The following TGFBR1 variants were observed in gnomAD, a reference collection of about 807,000 sequenced individuals.
TGFBR1 encodes transforming growth factor beta receptor 1.
A neutral mutation model predicts 55.1 loss-of-function variants in TGFBR1; 20 were observed. That is an observed-to-expected ratio of 0.36 (90% CI 0.26 to 0.53). TGFBR1 has a LOEUF of 0.53. Among genes scored for constraint, TGFBR1 ranks in the 20% least tolerant of loss-of-function variants. The pLI is 0.91. For synonymous variants in TGFBR1, 220 were observed against 214.8 expected, an observed-to-expected ratio of 1.02 and a Z score of -0.21; for missense variants, 385 against 617.6, an observed-to-expected ratio of 0.62 and a Z score of 3.99.
intron 4 of TGFBR1, among the ~76,000 whole-genome samples, chr9:99,138,686 A>C (rs958107142): frequency 6.6e-6 from 1 of 152,226 alleles, no homozygotes; most frequent in African/African-American, 2.4e-5. Flanking sequence ...ATGCTGAAGA[A>C]GGAAGGAAGC....
At position 99,138,036 on chromosome 9, in the gene TGFBR1, C is replaced by T. The variant is rs1197470484; in HGVS notation, c.752C>T (p.Thr251Ile). 1 of 1,614,040 alleles carries T rather than the reference C, an allele frequency of 6.2e-7. No individual in the cohort carries two copies. The highest frequency in any genetic ancestry group is 2.2e-5 in the East Asian group (1 of 44,860). ...TTCCGTGAGGCAGAGATTTATCAAA[C>T]TGTAATGTTACGTCATGAAAACATC... The part of the protein sequence containing the change: ...SWFREAEIYQ[T>I]VMLRHENILG... The change falls in exon 4 of 9, where the codon ACT (threonine) becomes ATT (isoleucine). Residue 251 changes from threonine (T) to isoleucine (I), a missense_variant. Physicochemically the swap from Thr to Ile is moderately conservative, Grantham distance 89. This residue lies in a region of TGFBR1 where 85 missense variants were observed against 228.4 expected (regional missense o/e 0.37). Transcript: ENST00000374994.
upstream of TGFBR1, chr9:99,105,042 C>T: frequency 2.1e-6 from 1 of 466,496 alleles, no homozygotes; most frequent in Non-Finnish European, 2.9e-6. Flanking sequence ...GAGGCGGGGC[C>T]GGCGGGAGCC....
At chr9:99,139,511 T>C (rs560652761) in intron 4 of TGFBR1, among the ~76,000 whole-genome samples, 1 of 152,346 alleles carries the variant, frequency 6.6e-6, no homozygotes, top group South Asian at 2.1e-4. Flanking sequence ...GTCAGGTCAC[T>C]GCCAATCATA....
At chr9:99,120,007 A>G (rs1465723899) in intron 1 of TGFBR1, among the ~76,000 whole-genome samples, 1 of 152,224 alleles carries the variant, frequency 6.6e-6, no homozygotes, top group East Asian at 1.9e-4. Flanking sequence ...AAAAGTGCAT[A>G]AACTAATTTT....
At position 99,152,389 on chromosome 9, in the gene TGFBR1, C is replaced by A. The variant is rs202000313; in HGVS notation, c.*3084C>A. 2.2e-5 allele frequency: 5 copies of A among 225,538 alleles called. No homozygotes were observed. Among genetic ancestry groups the A allele is most frequent in the Admixed American group, 5.7e-5 (1 of 17,476 alleles). 14.0% of individuals were successfully genotyped at this position (225,538 alleles called of 1,614,324 possible). A position where few individuals can be genotyped will look rare whatever the true frequency, so the allele number is the denominator to read the frequency against. Reference sequence around the variant, plus strand: ...ATAAGACAGGGTAAGGTCTGAAGAGCTGAGCCTGTAATTCTGCTGTAATAA... The same window carrying A: ...ATAAGACAGGGTAAGGTCTGAAGAGATGAGCCTGTAATTCTGCTGTAATAA... On this transcript the variant is annotated 3_prime_UTR_variant, in exon 9 of 9. Transcript: ENST00000374994.
chr9:99,110,867 G>A lies in TGFBR1; in HGVS notation c.97+5565G>A, dbSNP rs368556317. 2.6e-5 allele frequency among the ~76,000 whole-genome samples: 4 copies of A among 152,306 alleles called. No individual in the cohort carries two copies. In the South Asian group the frequency reaches 6.2e-4, roughly 24 times the overall value. On this transcript the variant is annotated intron_variant, in intron 1 of 8. Transcript: ENST00000374994. The stretch of plus-strand genomic sequence containing the variant: ...GTGGAGCCTTCAGTTAAGCACTCCA[G>A]GGTATGTACTCTTTTCCTATACAAA...
chr9:99,119,558 G>A (rs1225226741), intron 1 of TGFBR1, among the ~76,000 whole-genome samples: 2 of 152,122 alleles, frequency 1.3e-5, no homozygotes, highest in Non-Finnish European at 2.9e-5. Context: ...TAACTGTTAG[G>A]ACATTTCTGT....
At chr9:99,142,816 T>A (rs538236588) in intron 5 of TGFBR1, 113 bp downstream of exon 5, 1 of 1,265,130 alleles carries the variant, frequency 7.9e-7, no homozygotes, top group East Asian at 2.4e-5. Flanking sequence ...CCCAGCACTT[T>A]GGGAGGCTGA....
chr9:99,141,606 G>A (rs1348262947), intron 4 of TGFBR1, among the ~76,000 whole-genome samples: 3 of 152,268 alleles, frequency 2.0e-5, no homozygotes, highest in East Asian at 1.9e-4. Flanking sequence ...CAGGCAGGCC[G>A]TGGATTCCAA....
upstream of TGFBR1, chr9:99,104,952 C>A: frequency 5.5e-6 from 1 of 182,668 alleles, no homozygotes; most frequent in Non-Finnish European, 1.1e-5. Context: ...AACCGGCGCT[C>A]GCGGCTGCGG....
At chr9:99,138,140 G>C in intron 4 of TGFBR1, 51 bp downstream of exon 4, 1 of 1,506,514 alleles carries the variant, frequency 6.6e-7, no homozygotes, top group Non-Finnish European at 9.2e-7. Context: ...ATCTCTTTAA[G>C]TCTTTACAGA....
intron 2 of TGFBR1, among the ~76,000 whole-genome samples, chr9:99,132,123 C>A (rs1413907800): frequency 6.6e-5 from 10 of 151,024 alleles, no homozygotes; most frequent in Admixed American, 6.6e-4. Flanking sequence ...GGCCTTGGAA[C>A]AAGAAGACAA....
chr9:99,108,947 C>A (rs1016356560), intron 1 of TGFBR1, among the ~76,000 whole-genome samples: 3 of 152,114 alleles, frequency 2.0e-5, no homozygotes, highest in Non-Finnish European at 4.4e-5. Flanking sequence ...GATGAAAAAA[C>A]GACTCAGGTG....
At position 99,149,839 on chromosome 9, in the gene TGFBR1, C is replaced by T. The variant is rs1827929243; in HGVS notation, c.*534C>T. The T allele has an allele frequency of 4.5e-6, 1 of 222,454 alleles. No individual in the cohort carries two copies. Among genetic ancestry groups the T allele is most frequent in the Non-Finnish European group, 9.0e-6 (1 of 110,620 alleles). 13.8% of individuals were successfully genotyped at this position (222,454 alleles called of 1,614,324 possible). The stretch of plus-strand genomic sequence containing the variant: ...CTTATCTTGAGTCTAAAAATGACCT[C>T]ATATAGTAGTGAGGAACATAATTCA... On this transcript the variant is annotated 3_prime_UTR_variant, in exon 9 of 9. Transcript: ENST00000374994.
rs1827523294 is a variant in TGFBR1, at chr9:99,138,888, C to G, written c.805+799C>G. On this transcript the variant is annotated intron_variant, in intron 4 of 8. Transcript: ENST00000374994. ...TCTCGGCTCACTGCAGCTTCTGCCT[C>G]CTGGGTTCAAGTGGTTCTCCTGCCT... 3.3e-5 allele frequency among the ~76,000 whole-genome samples: 5 copies of G among 151,998 alleles called. No individual in the cohort carries two copies. The South Asian group carries it at 1.0e-3, about 32-fold the overall frequency.
At position 99,105,118 on chromosome 9, in the gene TGFBR1, C is replaced by T; in HGVS notation, c.-88C>T. On this transcript the variant is annotated 5_prime_UTR_variant, in exon 1 of 9. Transcript: ENST00000374994. ...GGCCGGAGCGAGGCCGCCGCGGCGGCTAGGGAGGTGGGGCGAGGCGAGGTT... is the reference window on the plus strand; with the variant it reads ...GGCCGGAGCGAGGCCGCCGCGGCGGTTAGGGAGGTGGGGCGAGGCGAGGTT... 3.0e-6 allele frequency: 3 copies of T among 999,486 alleles called. No individual in the cohort carries two copies. The highest frequency in any genetic ancestry group is 3.6e-6 in the Non-Finnish European group (3 of 824,264). 61.9% of individuals were successfully genotyped at this position (999,486 alleles called of 1,614,324 possible).
intron 5 of TGFBR1, 44 bp downstream of exon 5, chr9:99,142,747 T>C (rs1468049292): frequency 6.2e-7 from 1 of 1,605,152 alleles, no homozygotes; most frequent in South Asian, 1.1e-5. Flanking sequence ...TAAATTTTCA[T>C]GAATAATGTC....
At chr9:99,134,811 T>TC (rs1483535494) in intron 3 of TGFBR1, among the ~76,000 whole-genome samples, 9 of 24,138 alleles carry the variant, frequency 3.7e-4, no homozygotes, top group African/African-American at 1.5e-3. Flanking sequence ...ATTATATATA[T>TC]ATATATATAT....
At chr9:99,142,032 C>G (rs1373166121) in intron 4 of TGFBR1, among the ~76,000 whole-genome samples, 2 of 152,212 alleles carry the variant, frequency 1.3e-5, no homozygotes, top group African/African-American at 4.8e-5. Flanking sequence ...CACAATCTGT[C>G]ACTAAAGCTT....
Sources: gnomAD v4.1 joint callset for allele counts (sites outside exome capture counted in the v4.1 genomes callset) on GRCh38, gnomAD v4.1.1 for gene constraint, gnomAD v4.1.1 regional missense constraint, MANE v1.5 for transcripts, NCBI Gene and HGNC (gene_info 2026-07-23, HGNC 2026-07-21) for gene names.